FGD4: variants seen among roughly 807,000 people sequenced by gnomAD.
FGD4 encodes FYVE, RhoGEF and PH domain containing 4.
Under a neutral mutation model 102.0 loss-of-function variants are expected in FGD4, and 42 were observed. That is an observed-to-expected ratio of 0.41 (90% CI 0.32 to 0.53). FGD4 has a LOEUF of 0.53. Among genes scored for constraint, FGD4 ranks in the 20% least tolerant of loss-of-function variants. The pLI is 0.21. For missense variants in FGD4, 902 were observed against 1,078.2 expected (o/e 0.84, Z 2.29); for synonymous variants, 380 against 375.7 (o/e 1.01, Z -0.13).
intron 1 of FGD4, among the ~76,000 whole-genome samples, chr12:32,442,693 G>C (rs1328077601): frequency 6.6e-6 from 1 of 151,628 alleles, no homozygotes; most frequent in Non-Finnish European, 1.5e-5. Context: ...CGAGTAGCTG[G>C]GATTACAGGC....
intron 1 of FGD4, among the ~76,000 whole-genome samples, chr12:32,439,586 T>C (rs746740539): frequency 2.0e-5 from 3 of 152,246 alleles, no homozygotes; most frequent in Non-Finnish European, 4.4e-5. Flanking sequence ...CTAGCAGCAA[T>C]GTACAAGATT....
intron 2 of FGD4, among the ~76,000 whole-genome samples, chr12:32,573,448 CTT>C (rs1945859593): frequency 1.3e-5 from 2 of 152,080 alleles, no homozygotes; most frequent in Admixed American, 1.3e-4. Flanking sequence ...ATTTCTTTTT[CTT>C]TTAGTCCTGC....
chr12:32,560,415 T>C (rs1353988555), intron 1 of FGD4, among the ~76,000 whole-genome samples: 1 of 151,600 alleles, frequency 6.6e-6, no homozygotes, highest in Non-Finnish European at 1.5e-5. Context: ...CCACACCCAG[T>C]TAATGTTTTT....
At chr12:32,613,177 T>G (rs538165835) in intron 10 of FGD4, among the ~76,000 whole-genome samples, 1 of 152,326 alleles carries the variant, frequency 6.6e-6, no homozygotes, top group African/African-American at 2.4e-5. Context: ...GTCTGACTTT[T>G]CTGCTCTGAG....
At chr12:32,422,440 A>T (rs1033228314) in intron 1 of FGD4, among the ~76,000 whole-genome samples, 1 of 150,982 alleles carries the variant, frequency 6.6e-6, no homozygotes, top group Non-Finnish European at 1.5e-5. Flanking sequence ...CTGGGACTAC[A>T]GGCGCCCGCC....
intron 1 of FGD4, among the ~76,000 whole-genome samples, chr12:32,485,108 T>C (rs1415136199): frequency 1.3e-5 from 2 of 152,212 alleles, no homozygotes; most frequent in Admixed American, 1.3e-4. Flanking sequence ...GGTCTCACCA[T>C]GTTGCCTAGG....
At chr12:32,422,327 C>G (rs1941668289) in intron 1 of FGD4, among the ~76,000 whole-genome samples, 2 of 58,372 alleles carry the variant, frequency 3.4e-5, no homozygotes, top group South Asian at 6.4e-4. Flanking sequence ...GAGACAGAGT[C>G]TCGCTTTGTC....
chr12:32,624,410 GTTTTA>G lies in FGD4; in HGVS notation c.1923-6_1923-2del, dbSNP rs1950025678. Reference sequence around the variant, plus strand: ...TATTATTTACATTCACTTTAATTTTGTTTTATTTTAGTTCTGCGCAAGACAAAGAA... The same window carrying G: ...TATTATTTACATTCACTTTAATTTTGTTTTAGTTCTGCGCAAGACAAAGAA... On this transcript the variant is annotated splice_polypyrimidine_tract_variant and splice_region_variant and intron_variant, in intron 11 of 16. Transcript: ENST00000534526. The G allele has an allele frequency of 5.1e-6, 8 of 1,579,682 alleles. No individual in the cohort carries two copies. The African/African-American group carries it at 6.7e-5, about 13-fold the overall frequency.
intron 1 of FGD4, among the ~76,000 whole-genome samples, chr12:32,451,995 T>A (rs1942791604): frequency 6.6e-6 from 1 of 152,160 alleles, no homozygotes; most frequent in South Asian, 2.1e-4. Flanking sequence ...TAGAACTTCC[T>A]GAATGTTTTT....
intron 1 of FGD4, among the ~76,000 whole-genome samples, chr12:32,439,086 G>A (rs1591902799): frequency 6.6e-6 from 1 of 152,196 alleles, no homozygotes; most frequent in East Asian, 1.9e-4. Context: ...CTATCCAACT[G>A]AAATTTTGTA....
At chr12:32,490,591 G>T (rs762628253) in intron 1 of FGD4, among the ~76,000 whole-genome samples, 1 of 151,920 alleles carries the variant, frequency 6.6e-6, no homozygotes, top group Non-Finnish European at 1.5e-5. Flanking sequence ...CAAAGACAGG[G>T]TTTCACCATA....
intron 4 of FGD4, among the ~76,000 whole-genome samples, chr12:32,595,018 G>A (rs564357167): frequency 4.3e-4 from 59 of 136,640 alleles, no homozygotes; most frequent in Non-Finnish European, 7.9e-4. Context: ...GTGACAGAGC[G>A]AGACTCCGTC....
At chr12:32,453,205 T>TATATATATATATATA (rs1178064874) in intron 1 of FGD4, among the ~76,000 whole-genome samples, 1 of 47,940 alleles carries the variant, frequency 2.1e-5, no homozygotes, top group African/African-American at 4.5e-5. Flanking sequence ...ATATATTATA[T>TATATATATATATATA]ATATATATAT....
intron 2 of FGD4, among the ~76,000 whole-genome samples, chr12:32,568,980 T>TTC (rs1945418909): frequency 6.6e-6 from 1 of 152,226 alleles, no homozygotes; most frequent in South Asian, 2.1e-4. Context: ...ACTGAACTGC[T>TTC]AACTGCTATT....
chr12:32,640,212 G>A, intron 16 of FGD4, 64 bp from the exon 17 acceptor site: 3 of 1,612,462 alleles, frequency 1.9e-6, no homozygotes, highest in Non-Finnish European at 8.5e-7. Flanking sequence ...TTTAGTAGGA[G>A]CAAGGGACAC....
At chr12:32,541,085 A>G (rs1942786697) in intron 1 of FGD4, among the ~76,000 whole-genome samples, 1 of 152,076 alleles carries the variant, frequency 6.6e-6, no homozygotes, top group Admixed American at 6.5e-5. Flanking sequence ...AAATTGGTTT[A>G]TCTTTGATTA....
At chr12:32,548,025 A>AT (rs747651182) in intron 1 of FGD4, among the ~76,000 whole-genome samples, 1 of 152,118 alleles carries the variant, frequency 6.6e-6, no homozygotes, top group Admixed American at 6.6e-5. Flanking sequence ...GATTGTTAAT[A>AT]TTTTTGTGAC....
intron 1 of FGD4, among the ~76,000 whole-genome samples, chr12:32,507,918 TA>T (rs1245040779): frequency 6.6e-6 from 1 of 152,246 alleles, no homozygotes; most frequent in Non-Finnish European, 1.5e-5. Flanking sequence ...CTACTCTTAG[TA>T]GTGAAAGCTT....
chr12:32,399,995 G>A, intron 1 of FGD4, 36 bp downstream of exon 1: 5 of 1,426,928 alleles, frequency 3.5e-6, no homozygotes, highest in Non-Finnish European at 4.6e-6. Context: ...GGGTGGCCCC[G>A]GCGCGTAGGT....
Sources: gnomAD v4.1 joint callset for allele counts (sites outside exome capture counted in the v4.1 genomes callset) on GRCh38, gnomAD v4.1.1 for gene constraint, MANE v1.5 for transcripts, NCBI Gene and HGNC (gene_info 2026-07-23, HGNC 2026-07-21) for gene names.